The following EFHC2 variants were observed in gnomAD, a reference collection of about 807,000 sequenced individuals.
EFHC2 encodes EF-hand domain-containing family member C2.
Under a neutral mutation model 52.7 loss-of-function variants are expected in EFHC2, and 18 were observed. That is an observed-to-expected ratio of 0.34 (90% CI 0.24 to 0.51). EFHC2 has a LOEUF of 0.51. Ranked by LOEUF, EFHC2 falls within the 20% of genes least tolerant of loss-of-function variation. The pLI, the probability that EFHC2 is intolerant of heterozygous loss-of-function variation, is 0.97. For missense variants in EFHC2, 513 were observed against 562.5 expected, an observed-to-expected ratio of 0.91 and a Z score of 0.89; for synonymous variants, 203 against 204.1, an observed-to-expected ratio of 0.99 and a Z score of 0.04.
chrX:44,312,460 A>G lies in EFHC2; in HGVS notation c.231+108T>C, dbSNP rs1300341816. The G allele has an allele frequency of 5.3e-6, 3 of 567,991 alleles. No individual in the cohort carries two copies. In the Admixed American group the frequency reaches 1.6e-4, roughly 31 times the overall value. 46.8% of individuals were successfully genotyped at this position (567,991 alleles called of 1,213,427 possible). A position where few individuals can be genotyped will look rare whatever the true frequency, so the allele number is the denominator to read the frequency against. On this transcript the variant is annotated intron_variant, in intron 2 of 14. Coordinates refer to ENST00000420999, the MANE Select transcript of EFHC2 (RefSeq NM_025184.4). ...ATAAGTAGAAAAGGCAAAAAGAAAA[A>G]GAACTAGCCTTAACATTTACACTGA...
intron 3 of EFHC2, among the ~76,000 whole-genome samples, chrX:44,270,509 T>C (rs1179521962): frequency 9.0e-6 from 1 of 111,028 alleles, no homozygotes; most frequent in East Asian, 2.8e-4. Flanking sequence ...TAACAATAGG[T>C]AGGTAGGTAT....
At chrX:44,333,104 G>A (rs2038097626) in intron 1 of EFHC2, among the ~76,000 whole-genome samples, 1 of 111,543 alleles carries the variant, frequency 9.0e-6, no homozygotes, top group Non-Finnish European at 1.9e-5. Flanking sequence ...TTTGTGTAAG[G>A]AAGGCACTGA....
intron 4 of EFHC2, among the ~76,000 whole-genome samples, chrX:44,254,443 T>C (rs2037476929): frequency 8.9e-6 from 1 of 112,043 alleles, no homozygotes; most frequent in South Asian, 3.7e-4. Flanking sequence ...CTGATGGAGC[T>C]GAAAAACACA....
intron 2 of EFHC2, among the ~76,000 whole-genome samples, chrX:44,274,063 A>G (rs2037637138): frequency 8.9e-6 from 1 of 112,228 alleles, no homozygotes; most frequent in Non-Finnish European, 1.9e-5. Context: ...TCTTTGATCA[A>G]CACAAGAAGC....
At chrX:44,283,399 G>C (rs1437567155) in intron 2 of EFHC2, among the ~76,000 whole-genome samples, 1 of 111,445 alleles carries the variant, frequency 9.0e-6, no homozygotes, top group Admixed American at 9.5e-5. Flanking sequence ...AGCCAGGATG[G>C]TCTCTATCTC....
At chrX:44,284,995 G>A (rs1490974124) in intron 2 of EFHC2, 1 of 111,713 alleles carries the variant, frequency 9.0e-6, no homozygotes, top group Non-Finnish European at 1.9e-5. Flanking sequence ...TAGTGTCAGA[G>A]CCTCCATACT....
intron 11 of EFHC2, among the ~76,000 whole-genome samples, chrX:44,206,198 C>G (rs1232351886): frequency 9.0e-6 from 1 of 111,473 alleles, no homozygotes; most frequent in Non-Finnish European, 1.9e-5. Context: ...ATACCAAAAC[C>G]TGTGGGATAC....
chrX:44,277,916 T>A (rs1409055405), intron 2 of EFHC2, among the ~76,000 whole-genome samples: 2 of 110,595 alleles, frequency 1.8e-5, no homozygotes, highest in Non-Finnish European at 3.8e-5. Context: ...TATAATAAAA[T>A]ATAAGGCCAT....
intron 13 of EFHC2, among the ~76,000 whole-genome samples, chrX:44,171,341 A>G (rs746428996): frequency 1.8e-5 from 2 of 111,690 alleles, no homozygotes; most frequent in Non-Finnish European, 3.8e-5. Flanking sequence ...CCCTTGATAG[A>G]GGTAAAAGGC....
chrX:44,290,621 G>A (rs1008302037), intron 2 of EFHC2, among the ~76,000 whole-genome samples: 1 of 110,934 alleles, frequency 9.0e-6, no homozygotes, highest in African/African-American at 3.3e-5. Context: ...CTATCCTAAT[G>A]TTCTTAGATA....
chrX:44,263,367 A>AT (rs971459544), intron 3 of EFHC2, among the ~76,000 whole-genome samples: 1 of 112,274 alleles, frequency 8.9e-6, no homozygotes, highest in Non-Finnish European at 1.9e-5. Flanking sequence ...GAATATCTTT[A>AT]TGTGCCAGGA....
chrX:44,242,898 G>A (rs767846662), intron 7 of EFHC2, among the ~76,000 whole-genome samples: 73 of 111,572 alleles, frequency 6.5e-4, no homozygotes, highest in Non-Finnish European at 1.2e-3. Flanking sequence ...GCCCCAGGTA[G>A]CTTTTGTTAA....
intron 4 of EFHC2, among the ~76,000 whole-genome samples, chrX:44,260,857 G>A (rs1161789230): frequency 1.8e-5 from 2 of 112,111 alleles, no homozygotes; most frequent in Non-Finnish European, 3.8e-5. Flanking sequence ...GAAAGAGAGA[G>A]TCTCTACAGA....
At chrX:44,263,885 A>C (rs906887946) in intron 3 of EFHC2, among the ~76,000 whole-genome samples, 5 of 112,005 alleles carry the variant, frequency 4.5e-5, no homozygotes, top group Non-Finnish European at 7.5e-5. Context: ...TTTTTGTTCC[A>C]TAAGACTTTG....
At chrX:44,223,151 G>A (rs1314575500) in intron 11 of EFHC2, among the ~76,000 whole-genome samples, 1 of 112,427 alleles carries the variant, frequency 8.9e-6, no homozygotes, top group Admixed American at 9.4e-5. Flanking sequence ...ATATGCAGGT[G>A]ACCCAGGCTC....
intron 1 of EFHC2, among the ~76,000 whole-genome samples, chrX:44,333,031 A>C (rs1405863064): frequency 9.0e-6 from 1 of 111,572 alleles, no homozygotes; most frequent in African/African-American, 3.3e-5. Context: ...ATTTCCATCT[A>C]TGTTTCAACC....
intron 6 of EFHC2, 75 bp downstream of exon 6, chrX:44,248,728 T>C (rs1972072128): frequency 1.3e-6 from 1 of 787,778 alleles, no homozygotes; most frequent in African/African-American, 2.0e-5. Flanking sequence ...AAGAGAAGAG[T>C]ACGTAACTCG....
rs1254772940 is a variant in EFHC2 at position 44,168,513 on chromosome X, C to T, written c.2043-4486G>A. On this transcript the variant is annotated intron_variant, in intron 13 of 14. Transcript: ENST00000420999. Reference sequence around the variant, plus strand: ...CGCCACTACACTCCGGCCTGGGCGACAGAGCGAGACTCCGTCTCAAAAGAA... The same window carrying T: ...CGCCACTACACTCCGGCCTGGGCGATAGAGCGAGACTCCGTCTCAAAAGAA... Among the ~76,000 whole-genome samples the T allele has an allele frequency of 2.8e-5, 3 of 105,373 alleles. No individual in the cohort carries two copies. The Admixed American group carries it at 3.1e-4, about 11-fold the overall frequency. 91.5% of individuals were successfully genotyped at this position (105,373 alleles called of 115,157 possible). A position where few individuals can be genotyped will look rare whatever the true frequency, so the allele number is the denominator to read the frequency against.
chrX:44,277,281 AT>A (rs1423203866), intron 2 of EFHC2, among the ~76,000 whole-genome samples: 119 of 102,454 alleles, frequency 1.2e-3, no homozygotes, highest in African/African-American at 4.3e-3. Context: ...AAAAAAAAAA[AT>A]CTTACAGCTG....
Sources: allele counts gnomAD v4.1 joint callset (sites outside exome capture counted in the v4.1 genomes callset), GRCh38; gene constraint gnomAD v4.1.1; transcripts MANE v1.5; gene names NCBI Gene and HGNC (gene_info 2026-07-23, HGNC 2026-07-21).